The following FOXP1 variants were observed in gnomAD, a reference collection of about 807,000 sequenced individuals.
The protein encoded by FOXP1 is forkhead box protein P1.
A neutral mutation model predicts 98.2 loss-of-function variants in FOXP1; 15 were observed. That is an observed-to-expected ratio of 0.15 (90% CI 0.10 to 0.24). The LOEUF (loss-of-function observed/expected upper bound fraction) is 0.24, where lower values mean the gene tolerates loss of function less well. FOXP1 is among the 10% of genes least tolerant of loss of function. The pLI, the probability that FOXP1 is intolerant of heterozygous loss-of-function variation, is 1.00. For synonymous variants in FOXP1, 371 were observed against 314.5 expected (o/e 1.18, Z -1.90); for missense variants, 633 against 848.5 (o/e 0.75, Z 3.15).
intron 5 of FOXP1, among the ~76,000 whole-genome samples, chr3:71,255,613 G>A (rs1165396292): frequency 1.3e-5 from 2 of 152,042 alleles, no homozygotes; most frequent in African/African-American, 4.8e-5. Context: ...ATGCTTCCAG[G>A]GTAAAGGTTC....
intron 3 of FOXP1, among the ~76,000 whole-genome samples, chr3:71,426,332 T>C (rs1249616174): frequency 6.6e-6 from 1 of 151,882 alleles, no homozygotes; most frequent in African/African-American, 2.4e-5. Flanking sequence ...TAGATGGGAG[T>C]CTCTCCTTGC....
At chr3:71,194,415 G>A (rs2063181432) in intron 6 of FOXP1, among the ~76,000 whole-genome samples, 1 of 152,120 alleles carries the variant, frequency 6.6e-6, no homozygotes, top group Non-Finnish European at 1.5e-5. Flanking sequence ...GACAGCATAT[G>A]CTGTATATGG....
chr3:70,966,204 T>C (rs1307237800), intron 19 of FOXP1, 148 bp from the exon 20 acceptor site: 14 of 821,818 alleles, frequency 1.7e-5, no homozygotes, highest in Non-Finnish European at 2.8e-5. Context: ...TGAAAGATTT[T>C]GCTTTAAAAA....
chr3:71,195,224 A>C (rs2063226522), intron 6 of FOXP1, among the ~76,000 whole-genome samples: 1 of 152,214 alleles, frequency 6.6e-6, no homozygotes, highest in Admixed American at 6.5e-5. Flanking sequence ...GAACGCAATT[A>C]AGCCAACCTA....
chr3:71,433,032 G>C (rs760101097), intron 3 of FOXP1, among the ~76,000 whole-genome samples: 8 of 150,868 alleles, frequency 5.3e-5, no homozygotes, highest in Non-Finnish European at 1.2e-4. Context: ...ATCTTTTGGT[G>C]TTAAAAAAAA....
chr3:70,963,920 A>C (rs965492525), intron 20 of FOXP1, among the ~76,000 whole-genome samples: 11 of 152,322 alleles, frequency 7.2e-5, no homozygotes, highest in African/African-American at 2.4e-4. Flanking sequence ...CGCCTTCCTA[A>C]CAAGGTCCTT....
intron 5 of FOXP1, among the ~76,000 whole-genome samples, chr3:71,258,853 G>C (rs2068854823): frequency 6.6e-6 from 1 of 152,072 alleles, no homozygotes; most frequent in South Asian, 2.1e-4. Flanking sequence ...CCTAAGAATG[G>C]GATGGGCTGA....
intron 7 of FOXP1, among the ~76,000 whole-genome samples, chr3:71,081,980 T>C (rs975945572): frequency 1.3e-5 from 2 of 152,238 alleles, no homozygotes; most frequent in African/African-American, 2.4e-5. Flanking sequence ...AGTGCAGACA[T>C]AGAATAGACG....
At chr3:71,304,846 C>CG (rs2074142739) in intron 4 of FOXP1, 1 of 152,034 alleles carries the variant, frequency 6.6e-6, no homozygotes, top group Admixed American at 6.5e-5. Context: ...TTCCAACCGG[C>CG]GGGGGAACAG....
chr3:71,289,671 G>C (rs889870800), intron 5 of FOXP1: 3 of 151,670 alleles, frequency 2.0e-5, no homozygotes, highest in Admixed American at 2.0e-4. Flanking sequence ...TTTTGAGACA[G>C]AGTCTCACTC....
intron 6 of FOXP1, among the ~76,000 whole-genome samples, chr3:71,132,668 T>C (rs543654283): frequency 6.6e-6 from 1 of 152,314 alleles, no homozygotes; most frequent in African/African-American, 2.4e-5. Context: ...CGCTTGGATT[T>C]TTAAAATTAG....
At chr3:71,471,855 A>C (rs1216255341) in intron 3 of FOXP1, among the ~76,000 whole-genome samples, 3 of 152,172 alleles carry the variant, frequency 2.0e-5, no homozygotes, top group East Asian at 3.8e-4. Flanking sequence ...TGATGATTCA[A>C]AGTGGTTCCA....
intron 6 of FOXP1, among the ~76,000 whole-genome samples, chr3:71,144,990 T>C (rs1272223631): frequency 6.6e-6 from 1 of 152,224 alleles, no homozygotes; most frequent in Non-Finnish European, 1.5e-5. Context: ...CATTCTAAGC[T>C]GTGGGTCTGT....
At chr3:71,202,572 C>T (rs765272239) in intron 5 of FOXP1, among the ~76,000 whole-genome samples, 16 of 152,148 alleles carry the variant, frequency 1.1e-4, no homozygotes, top group Non-Finnish European at 5.9e-5. Flanking sequence ...TAAATGTTAT[C>T]CCCATTTCAC....
chr3:71,461,932 C>T (rs1339789898), intron 3 of FOXP1, among the ~76,000 whole-genome samples: 1 of 152,084 alleles, frequency 6.6e-6, no homozygotes, highest in Non-Finnish European at 1.5e-5. Context: ...GTGATTAACA[C>T]TGAGAGAACT....
chr3:71,141,423 C>T (rs2060065560), intron 6 of FOXP1, among the ~76,000 whole-genome samples: 1 of 152,112 alleles, frequency 6.6e-6, no homozygotes, highest in Non-Finnish European at 1.5e-5. Context: ...GAGTCCCCTC[C>T]CCCACTTTTA....
At chr3:71,310,494 G>C (rs1459763589) in intron 4 of FOXP1, among the ~76,000 whole-genome samples, 2 of 152,204 alleles carry the variant, frequency 1.3e-5, no homozygotes, top group African/African-American at 4.8e-5. Flanking sequence ...GGGCATGCTG[G>C]AGGCAGACGT....
intron 5 of FOXP1, among the ~76,000 whole-genome samples, chr3:71,298,083 GC>G (rs1348852970): frequency 1.3e-5 from 2 of 152,150 alleles, no homozygotes; most frequent in Non-Finnish European, 2.9e-5. Context: ...GAGGCTGAAT[GC>G]CCCCACAAGT....
At chr3:71,214,190 C>CCATG (rs1202043841) in intron 5 of FOXP1, among the ~76,000 whole-genome samples, 1 of 152,210 alleles carries the variant, frequency 6.6e-6, no homozygotes, top group Non-Finnish European at 1.5e-5. Flanking sequence ...GCCCATCCAT[C>CCATG]CATGTGCTAT....
Sources: allele counts gnomAD v4.1 joint callset (sites outside exome capture counted in the v4.1 genomes callset), GRCh38; gene constraint gnomAD v4.1.1; transcripts MANE v1.5; gene names NCBI Gene and HGNC (gene_info 2026-07-23, HGNC 2026-07-21).